Variants in CHST11 observed in about 807,000 individuals in gnomAD.
CHST11 encodes C4S-1.
CHST11 carries 9 observed loss-of-function variants against 30.4 expected under a neutral mutation model. That is an observed-to-expected ratio of 0.30 (90% confidence interval 0.18 to 0.52). The LOEUF (loss-of-function observed/expected upper bound fraction) is 0.52. Ranked by LOEUF, CHST11 falls within the 20% of genes least tolerant of loss-of-function variation. The pLI, the probability that CHST11 is intolerant of heterozygous loss-of-function variation, is 0.97. For synonymous variants in CHST11, 152 were observed against 187.8 expected (o/e 0.81, Z 1.56); for missense variants, 348 against 460.6 (o/e 0.76, Z 2.24).
At chr12:104,658,384 A>T (rs1440356270) in intron 2 of CHST11, among the ~76,000 whole-genome samples, 4 of 151,850 alleles carry the variant, frequency 2.6e-5, no homozygotes, top group African/African-American at 7.3e-5. Context: ...CTCTGTGCAA[A>T]TTTCCCCCTC....
intron 2 of CHST11, among the ~76,000 whole-genome samples, chr12:104,643,697 G>A (rs1013166216): frequency 3.3e-5 from 5 of 152,202 alleles, no homozygotes; most frequent in Admixed American, 3.3e-4. Context: ...CACTTGAGGA[G>A]TTTTTCCTAT....
At chr12:104,473,994 G>A (rs2135956050) in intron 1 of CHST11, among the ~76,000 whole-genome samples, 1 of 151,996 alleles carries the variant, frequency 6.6e-6, no homozygotes, top group African/African-American at 2.4e-5. Context: ...AATTGAAAAA[G>A]AAACTAATAT....
chr12:104,746,142 G>A (rs573816442), intron 2 of CHST11, among the ~76,000 whole-genome samples: 3 of 152,232 alleles, frequency 2.0e-5, no homozygotes, highest in South Asian at 4.2e-4. Flanking sequence ...CCCTAATGAC[G>A]GTATCAGTGA....
intron 1 of CHST11, among the ~76,000 whole-genome samples, chr12:104,529,493 AATG>A (rs1437778088): frequency 6.6e-6 from 1 of 152,192 alleles, no homozygotes; most frequent in African/African-American, 2.4e-5. Context: ...GGCCCCAAAT[AATG>A]ATGACTTTAA....
chr12:104,720,101 G>C (rs536519092), intron 2 of CHST11, among the ~76,000 whole-genome samples: 1 of 152,338 alleles, frequency 6.6e-6, no homozygotes, highest in South Asian at 2.1e-4. Flanking sequence ...GACTTGTCTA[G>C]TTTCGTAAAC....
rs115225209 is a variant in CHST11 at position 104,729,782 on chromosome 12, C to T, written c.205-27167C>T. ...TCGATGGCGCTGGGGCAGAGGTCTG[C>T]GGAGAGTAGGTTGGGTTTAGAAAAA... On this transcript the variant is annotated intron_variant, in intron 2 of 2. Transcript: ENST00000303694. This position sits in a 1 kb window ranked among gnomAD's most constrained non-coding sequence, Gnocchi z 4.0. Among the ~76,000 whole-genome samples the T allele has an allele frequency of 1.3e-5, 2 of 152,142 alleles. No homozygotes were observed. Among genetic ancestry groups the T allele is most frequent in the Admixed American group, 6.5e-5 (1 of 15,280 alleles).
chr12:104,696,717 T>G (rs191464085), intron 2 of CHST11, among the ~76,000 whole-genome samples: 184 of 152,098 alleles, frequency 1.2e-3, no homozygotes, highest in Middle Eastern at 6.8e-3. Context: ...AGAAATCTCT[T>G]TTGAATCTCC....
chr12:104,538,792 G>A (rs2038261938), intron 1 of CHST11, among the ~76,000 whole-genome samples: 1 of 152,216 alleles, frequency 6.6e-6, no homozygotes, highest in Non-Finnish European at 1.5e-5. Flanking sequence ...GTGAGAAACA[G>A]AAATTTACTA....
intron 1 of CHST11, among the ~76,000 whole-genome samples, chr12:104,576,456 G>A (rs1403256070): frequency 4.6e-5 from 7 of 152,284 alleles, no homozygotes; most frequent in Non-Finnish European, 1.0e-4. Flanking sequence ...CCGGGTGACC[G>A]TCCACTAGAA....
At chr12:104,612,892 A>G (rs181930159) in intron 2 of CHST11, among the ~76,000 whole-genome samples, 13 of 152,276 alleles carry the variant, frequency 8.5e-5, no homozygotes, top group African/African-American at 1.9e-4. Context: ...CAGCACTCTC[A>G]CTGTAGCAGA....
chr12:104,673,752 G>A (rs703664), intron 2 of CHST11, among the ~76,000 whole-genome samples: 31,058 of 152,174 alleles, frequency 0.2, 4,756 homozygotes, highest in African/African-American at 0.43. Context: ...AAATCACTTG[G>A]AATTTGTTGC....
At chr12:104,542,983 T>G (rs1464027767) in intron 1 of CHST11, among the ~76,000 whole-genome samples, 2 of 152,178 alleles carry the variant, frequency 1.3e-5, no homozygotes, top group African/African-American at 4.8e-5. Context: ...TTTGTGTTGC[T>G]ATAAAGGGAT....
chr12:104,471,998 T>C (rs2037513922), intron 1 of CHST11, among the ~76,000 whole-genome samples: 1 of 152,182 alleles, frequency 6.6e-6, no homozygotes, highest in Non-Finnish European at 1.5e-5. Context: ...TCTTGCTCTG[T>C]CACCCAGGCT....
chr12:104,711,342 A>C (rs1043792859), intron 2 of CHST11, among the ~76,000 whole-genome samples: 1 of 152,258 alleles, frequency 6.6e-6, no homozygotes, highest in Non-Finnish European at 1.5e-5. Flanking sequence ...TATATATCCA[A>C]ATAAAAAATG....
intron 2 of CHST11, among the ~76,000 whole-genome samples, chr12:104,703,294 C>T (rs2040005533): frequency 6.6e-6 from 1 of 152,238 alleles, no homozygotes; most frequent in Admixed American, 6.5e-5. Flanking sequence ...GCAGCTGCCT[C>T]CTGGCCATCT....
intron 1 of CHST11, among the ~76,000 whole-genome samples, chr12:104,559,980 C>T (rs1464758566): frequency 6.6e-6 from 1 of 152,176 alleles, no homozygotes; most frequent in African/African-American, 2.4e-5. Flanking sequence ...GAAGTCTTCC[C>T]TGAAGGGTGG....
intron 2 of CHST11, among the ~76,000 whole-genome samples, chr12:104,627,698 G>T (rs567331243): frequency 2.0e-5 from 3 of 152,164 alleles, no homozygotes; most frequent in Non-Finnish European, 4.4e-5. Context: ...CTCCTTTTGG[G>T]CATTTAATAC....
chr12:104,558,309 C>G (rs1183356290), intron 1 of CHST11, among the ~76,000 whole-genome samples: 2 of 152,078 alleles, frequency 1.3e-5, no homozygotes, highest in Non-Finnish European at 2.9e-5. Flanking sequence ...TAGCCCTCTG[C>G]CTGGCTGTCT....
intron 1 of CHST11, among the ~76,000 whole-genome samples, chr12:104,469,994 T>C (rs2037492512): frequency 6.6e-6 from 1 of 152,260 alleles, no homozygotes; most frequent in Non-Finnish European, 1.5e-5. Context: ...TGTTTGCAAC[T>C]GGTTTGGGAC....
Sources: allele counts gnomAD v4.1 joint callset (sites outside exome capture counted in the v4.1 genomes callset), GRCh38; gene constraint gnomAD v4.1.1; non-coding constraint Gnocchi (gnomAD v3.1); transcripts MANE v1.5; gene names NCBI Gene and HGNC (gene_info 2026-07-23, HGNC 2026-07-21).